The following ZMYND8 variants were observed in gnomAD, a reference collection of about 807,000 sequenced individuals.
ZMYND8 encodes MYND-type zinc finger-containing chromatin reader ZMYND8.
A neutral mutation model predicts 140.8 loss-of-function variants in ZMYND8; 37 were observed. The ratio of observed to expected loss-of-function variants is 0.26; its 90% CI spans 0.20 to 0.35. ZMYND8 has a LOEUF of 0.35. ZMYND8 is among the 10% of genes least tolerant of loss of function. The pLI, the probability that ZMYND8 is intolerant of heterozygous loss-of-function variation, is 1.00. For missense variants in ZMYND8, 1,068 were observed against 1,570.0 expected, an observed-to-expected ratio of 0.68 and a Z score of 5.40; for synonymous variants, 592 against 597.1, an observed-to-expected ratio of 0.99 and a Z score of 0.12.
intron 2 of ZMYND8, among the ~76,000 whole-genome samples, chr20:47,313,216 T>C (rs547270969): frequency 3.5e-4 from 48 of 135,434 alleles, no homozygotes; most frequent in African/African-American, 1.6e-3. Context: ...GGAGAGACAC[T>C]GTCTCTGAAA....
At chr20:47,271,168 T>C (rs1181618521) in intron 11 of ZMYND8, among the ~76,000 whole-genome samples, 1 of 152,134 alleles carries the variant, frequency 6.6e-6, no homozygotes, top group African/African-American at 2.4e-5. Context: ...AAAAGGTCCC[T>C]GGTCTCTTTC....
chr20:47,235,518 G>C (rs1232999093), intron 16 of ZMYND8, among the ~76,000 whole-genome samples: 1 of 151,984 alleles, frequency 6.6e-6, no homozygotes, highest in Non-Finnish European at 1.5e-5. Context: ...CAGCCTGGTC[G>C]ACATGGCGAA....
intron 12 of ZMYND8, among the ~76,000 whole-genome samples, chr20:47,252,973 A>G (rs2074308339): frequency 6.6e-6 from 1 of 152,216 alleles, no homozygotes; most frequent in Non-Finnish European, 1.5e-5. Context: ...CAGGCCATAC[A>G]GGCTCTGTTG....
intron 2 of ZMYND8, chr20:47,320,075 G>A (rs899146920): frequency 1.3e-5 from 2 of 152,206 alleles, no homozygotes; most frequent in Admixed American, 6.5e-5. Context: ...ATCTCCGGTG[G>A]TAGTGGCTTC....
intron 2 of ZMYND8, among the ~76,000 whole-genome samples, chr20:47,310,800 A>AC (rs1480855348): frequency 2.0e-5 from 3 of 151,442 alleles, no homozygotes; most frequent in African/African-American, 4.9e-5. Flanking sequence ...AAAAAAAAAA[A>AC]AAAAAAACAG....
intron 3 of ZMYND8, among the ~76,000 whole-genome samples, chr20:47,309,177 G>C (rs1177517175): frequency 6.6e-6 from 1 of 152,120 alleles, no homozygotes; most frequent in Non-Finnish European, 1.5e-5. Flanking sequence ...TTCCTATCTA[G>C]CTGACTGGTG....
rs189830930 is a variant in ZMYND8, at chr20:47,272,198, C to T, written c.1480+4116G>A. Among the ~76,000 whole-genome samples the T allele has an allele frequency of 9.9e-5, 15 of 151,976 alleles. No individual in the cohort carries two copies. The East Asian group carries it at 2.3e-3, about 24-fold the overall frequency. On this transcript the variant is annotated intron_variant, in intron 11 of 22. Coordinates refer to ENST00000471951, the MANE Select transcript of ZMYND8 (RefSeq NM_001281775.3). ...ATTCAAGCAATTCTCTTGCCTCAGC[C>T]TCCCAAGTAGCTGGGATTACAGGCA...
chr20:47,227,581 G>A (rs147170265), intron 17 of ZMYND8, among the ~76,000 whole-genome samples: 38 of 152,284 alleles, frequency 2.5e-4, no homozygotes, highest in Non-Finnish European at 4.4e-4. Context: ...TAGGATTTTG[G>A]TCTATAAATA....
intron 2 of ZMYND8, among the ~76,000 whole-genome samples, chr20:47,341,818 A>G (rs1042454021): frequency 1.3e-5 from 2 of 151,908 alleles, no homozygotes; most frequent in Non-Finnish European, 2.9e-5. Flanking sequence ...CCTGCCTAAC[A>G]TGGGGAAACC....
chr20:47,348,039 T>C (rs895083868), intron 1 of ZMYND8, 113 bp from the exon 2 acceptor site: 1 of 1,026,668 alleles, frequency 9.7e-7, no homozygotes, highest in Non-Finnish European at 1.5e-6. Flanking sequence ...CCCTCATCCT[T>C]ATCCAGGGCT....
chr20:47,235,105 GT>G (rs1464002025), intron 16 of ZMYND8, among the ~76,000 whole-genome samples: 1 of 152,136 alleles, frequency 6.6e-6, no homozygotes, highest in African/African-American at 2.4e-5. Flanking sequence ...TAACTACTTA[GT>G]AATTTACTAA....
intron 2 of ZMYND8, among the ~76,000 whole-genome samples, chr20:47,335,579 T>C (rs1038820503): frequency 1.3e-5 from 2 of 152,206 alleles, no homozygotes; most frequent in African/African-American, 4.8e-5. Context: ...GATATGCTTA[T>C]TCTACAGGCA....
At chr20:47,311,349 C>T (rs1008458318) in intron 2 of ZMYND8, among the ~76,000 whole-genome samples, 11 of 152,198 alleles carry the variant, frequency 7.2e-5, no homozygotes, top group African/African-American at 2.4e-4. Flanking sequence ...GTGGCTCACA[C>T]CTATAAACCC....
At chr20:47,257,267 C>G (rs1176716323) in intron 12 of ZMYND8, among the ~76,000 whole-genome samples, 1 of 152,114 alleles carries the variant, frequency 6.6e-6, no homozygotes, top group Non-Finnish European at 1.5e-5. Flanking sequence ...ATACCATACA[C>G]ACACACAAAT....
At chr20:47,276,908 A>AT (rs2076287231) in intron 10 of ZMYND8, 113 bp from the exon 11 acceptor site, 21 of 727,816 alleles carry the variant, frequency 2.9e-5, no homozygotes, top group African/African-American at 2.6e-4. Flanking sequence ...TTCTTATTCT[A>AT]TTAAAAAAAA....
At position 47,229,778 on chromosome 20, in the gene ZMYND8, G is replaced by C; in HGVS notation, c.2885C>G (p.Thr962Arg). Residue 962 changes from threonine (T) to arginine (R), a missense_variant, in exon 17 of 23, where the codon ACA (threonine) becomes AGA (arginine). Transcript: ENST00000471951. ...KMMDAIKGTM[T>R]EIYNDLSKNT... ...TTTAGAAAGATCGTTGTATATTTCT[G>C]TCATTGTTCCTTTTATTGCATCCAT... 1 of 1,613,570 alleles carries C rather than the reference G, an allele frequency of 6.2e-7. No homozygotes were observed. Among genetic ancestry groups the C allele is most frequent in the Non-Finnish European group, 8.5e-7 (1 of 1,179,814 alleles).
At chr20:47,255,516 C>T (rs1330765728) in intron 12 of ZMYND8, among the ~76,000 whole-genome samples, 3 of 147,790 alleles carry the variant, frequency 2.0e-5, no homozygotes, top group East Asian at 2.0e-4. Context: ...TATACATATA[C>T]ATATGCATAT....
intron 11 of ZMYND8, among the ~76,000 whole-genome samples, chr20:47,271,165 C>T (rs1257557439): frequency 6.6e-6 from 1 of 152,128 alleles, no homozygotes; most frequent in Non-Finnish European, 1.5e-5. Flanking sequence ...AGGAAAAGGT[C>T]CCTGGTCTCT....
rs2078793495 is a variant in ZMYND8, at chr20:47,309,907, C to A, written c.234+149G>T. 6 of 1,103,774 alleles carry A rather than the reference C, an allele frequency of 5.4e-6. No homozygotes were observed. The South Asian group carries it at 9.0e-5, about 17-fold the overall frequency. The allele number at this position is 1,103,774 out of a possible 1,614,324, so 68.4% of individuals were successfully genotyped here. The stretch of plus-strand genomic sequence containing the variant: ...ATTTCTACACAGGCCCATTTTTAGC[C>A]ATCTTTTTTTGTCCAAGGCAAATGA... On this transcript the variant is annotated intron_variant, in intron 3 of 22. Coordinates refer to ENST00000471951, the MANE Select transcript of ZMYND8 (RefSeq NM_001281775.3).
Sources: gnomAD v4.1 joint callset for allele counts (sites outside exome capture counted in the v4.1 genomes callset) on GRCh38, gnomAD v4.1.1 for gene constraint, MANE v1.5 for transcripts, NCBI Gene and HGNC (gene_info 2026-07-23, HGNC 2026-07-21) for gene names.